Variants in UGT1A8 observed in about 807,000 individuals in gnomAD.
UGT1A8 encodes UDP glucuronosyltransferase family 1 member A8.
In UGT1A8, 39 loss-of-function variants were observed where a neutral mutation model predicts 45.3. The ratio of observed to expected loss-of-function variants is 0.86; its 90% CI spans 0.67 to 1.12. The LOEUF is 1.12. UGT1A8 is among the 50% of genes most tolerant of loss of function. The pLI is 0.00. For synonymous variants in UGT1A8, 275 were observed against 249.2 expected (o/e 1.10, Z -0.97); for missense variants, 719 against 664.9 (o/e 1.08, Z -0.90).
At chr2:233,717,999 T>G (rs1180209049) in intron 1 of UGT1A8, 5 of 416,692 alleles carry the variant, frequency 1.2e-5, no homozygotes, top group Non-Finnish European at 2.4e-5. Flanking sequence ...CTGTGCAAGA[T>G]CTGAGGCCAG....
At chr2:233,633,924 C>T (rs2125456412) in intron 1 of UGT1A8, among the ~76,000 whole-genome samples, 1 of 152,196 alleles carries the variant, frequency 6.6e-6, no homozygotes, top group African/African-American at 2.4e-5. Context: ...TAGATCTTTC[C>T]TGCTTTCTCC....
intron 1 of UGT1A8, among the ~76,000 whole-genome samples, chr2:233,625,559 G>T (rs1465903906): frequency 6.6e-6 from 1 of 151,840 alleles, no homozygotes; most frequent in African/African-American, 2.4e-5. Flanking sequence ...TGTCAATAGT[G>T]GATTGGATGA....
chr2:233,632,431 G>T (rs1175205934), intron 1 of UGT1A8, among the ~76,000 whole-genome samples: 1 of 152,080 alleles, frequency 6.6e-6, no homozygotes, highest in Non-Finnish European at 1.5e-5. Flanking sequence ...TCAGCAGTAC[G>T]GCCATTTTCA....
chr2:233,757,582 G>C (rs1357461838), intron 1 of UGT1A8, among the ~76,000 whole-genome samples: 2 of 95,184 alleles, frequency 2.1e-5, no homozygotes, highest in Non-Finnish European at 4.3e-5. Context: ...TATAGCTATA[G>C]TCTAATAGCA....
chr2:233,711,830 G>A (rs2076199320), intron 1 of UGT1A8, among the ~76,000 whole-genome samples: 1 of 152,220 alleles, frequency 6.6e-6, no homozygotes, highest in Non-Finnish European at 1.5e-5. Context: ...CCAGGACAAG[G>A]AGGCGTCAGC....
rs755504518 is a variant in UGT1A8 at position 233,618,098 on chromosome 2, C to A, written c.391C>A (p.Arg131=). The A allele has an allele frequency of 6.2e-7, 1 of 1,613,882 alleles. No individual in the cohort carries two copies. Among genetic ancestry groups the A allele is most frequent in the South Asian group, 1.1e-5 (1 of 91,054 alleles). The part of the protein sequence containing the change: ...FSHCRSLFND[R]KLVEYLKESS... The stretch of plus-strand genomic sequence containing the variant: ...GCATTGCAGGAGTTTGTTTAATGAC[C>A]GAAAATTAGTAGAATACTTAAAGGA... The change falls in exon 1 of 5, where the codon CGA becomes AGA. Residue 131 remains arginine (R), a synonymous_variant. Transcript: ENST00000373450.
intron 1 of UGT1A8, among the ~76,000 whole-genome samples, chr2:233,764,258 T>C (rs1698520087): frequency 1.3e-5 from 2 of 152,152 alleles, no homozygotes; most frequent in Non-Finnish European, 2.9e-5. Context: ...AGTTAATATG[T>C]TGCTTCACTC....
At chr2:233,632,035 A>G (rs1262572382) in intron 1 of UGT1A8, among the ~76,000 whole-genome samples, 1 of 152,042 alleles carries the variant, frequency 6.6e-6, no homozygotes, top group African/African-American at 2.4e-5. Flanking sequence ...AGGGGTCCAG[A>G]TTCAGTTTTC....
chr2:233,694,172 G>C (rs2075203496), intron 1 of UGT1A8, among the ~76,000 whole-genome samples: 1 of 152,246 alleles, frequency 6.6e-6, no homozygotes, highest in African/African-American at 2.4e-5. Flanking sequence ...AGAGGTGAAG[G>C]CTTGACTAAG....
At chr2:233,717,980 G>A (rs1360094049) in intron 1 of UGT1A8, 3 of 443,956 alleles carry the variant, frequency 6.8e-6, no homozygotes, top group African/African-American at 6.1e-5. Context: ...TTCAGAAGAG[G>A]AATTCAGACT....
intron 1 of UGT1A8, among the ~76,000 whole-genome samples, chr2:233,667,321 C>G (rs1390315548): frequency 6.6e-6 from 1 of 152,162 alleles, no homozygotes; most frequent in African/African-American, 2.4e-5. Flanking sequence ...GGAAAACTGG[C>G]TAGCCATTTG....
At chr2:233,675,064 T>G (rs758014879) in intron 1 of UGT1A8, among the ~76,000 whole-genome samples, 1 of 152,130 alleles carries the variant, frequency 6.6e-6, no homozygotes, top group Non-Finnish European at 1.5e-5. Context: ...TGCAGGTGTG[T>G]TTGTGTGCAG....
intron 1 of UGT1A8, among the ~76,000 whole-genome samples, chr2:233,657,078 C>G (rs2073871538): frequency 6.6e-6 from 1 of 152,084 alleles, no homozygotes; most frequent in Non-Finnish European, 1.5e-5. Flanking sequence ...TTTGGTCTAC[C>G]CTAAGAATGT....
chr2:233,730,323 CA>C lies in UGT1A8; in HGVS notation c.856-36710del, dbSNP rs2078014801. Among the ~76,000 whole-genome samples the C allele has an allele frequency of 2.0e-5, 3 of 152,152 alleles. No homozygotes were observed. The South Asian group carries it at 6.2e-4, about 32-fold the overall frequency. ...TCCTTCAGCTTGGCAGGAACAGGGA[CA>C]CTACGTTTGGAACTGATCCATCCTG... On this transcript the variant is annotated intron_variant, in intron 1 of 4. Transcript: ENST00000373450.
At chr2:233,724,191 T>C (rs1269931641) in intron 1 of UGT1A8, among the ~76,000 whole-genome samples, 4 of 105,204 alleles carry the variant, frequency 3.8e-5, no homozygotes, top group South Asian at 3.6e-4. Flanking sequence ...CCGGACGGGG[T>C]GGCTGGCCGG....
At chr2:233,671,770 A>C in intron 1 of UGT1A8, 1 of 1,373,002 alleles carries the variant, frequency 7.3e-7, no homozygotes. Flanking sequence ...CTACTCATAT[A>C]TTCTTGTTCT....
intron 1 of UGT1A8, chr2:233,729,698 C>T: frequency 6.2e-7 from 1 of 1,613,936 alleles, no homozygotes; most frequent in Non-Finnish European, 8.5e-7. Flanking sequence ...CCAAACCCTT[C>T]CTCCTATATT....
intron 1 of UGT1A8, chr2:233,636,844 C>G: frequency 6.2e-7 from 1 of 1,614,162 alleles, no homozygotes; most frequent in African/African-American, 1.3e-5. Flanking sequence ...TATATTTTCT[C>G]TATTAATGAG....
intron 1 of UGT1A8, chr2:233,760,706 T>G (rs1396464237): frequency 2.5e-6 from 4 of 1,614,118 alleles, no homozygotes; most frequent in African/African-American, 1.3e-5. Flanking sequence ...ATGGCCTCCC[T>G]GGCAGAAAGC....
Sources: gnomAD v4.1 joint callset for allele counts (sites outside exome capture counted in the v4.1 genomes callset) on GRCh38, gnomAD v4.1.1 for gene constraint, MANE v1.5 for transcripts, NCBI Gene and HGNC (gene_info 2026-07-23, HGNC 2026-07-21) for gene names.